The following CCDC3 variants were observed in gnomAD, a reference collection of about 807,000 sequenced individuals.
CCDC3 encodes coiled-coil domain-containing protein 3.
CCDC3 carries 24 observed loss-of-function variants against 21.4 expected under a neutral mutation model. That is an observed-to-expected ratio of 1.12 (90% CI 0.81 to 1.58). The LOEUF (loss-of-function observed/expected upper bound fraction) is 1.58, where lower values mean the gene tolerates loss of function less well. Ranked by LOEUF, CCDC3 falls within the 40% of genes most tolerant of loss-of-function variation. The probability of loss-of-function intolerance (pLI) is 0.00; values close to 1 mark genes in which losing one functional copy is unlikely to be tolerated. For missense variants in CCDC3, 425 were observed against 360.9 expected (o/e 1.18, Z -1.44); for synonymous variants, 186 against 166.0 (o/e 1.12, Z -0.93).
intron 2 of CCDC3, among the ~76,000 whole-genome samples, chr10:12,970,918 A>T (rs1835332847): frequency 6.6e-6 from 1 of 152,110 alleles, no homozygotes; most frequent in Middle Eastern, 3.2e-3. Flanking sequence ...CAGTCTGCAA[A>T]CCAATAACTA....
At chr10:13,078,403 C>G (rs985832613) in intron 3 of CCDC3, among the ~76,000 whole-genome samples, 3 of 152,198 alleles carry the variant, frequency 2.0e-5, no homozygotes, top group Non-Finnish European at 4.4e-5. Context: ...CACTTTTATA[C>G]TGTTGGTGGG....
At chr10:13,016,735 C>T (rs539333821) in intron 5 of CCDC3, among the ~76,000 whole-genome samples, 1 of 151,998 alleles carries the variant, frequency 6.6e-6, no homozygotes, top group African/African-American at 2.4e-5. Context: ...TATGTTGAAA[C>T]TCTGTTGGAA....
At chr10:13,001,074 AG>A in intron 1 of CCDC3, 122 bp downstream of exon 1, 1 of 1,270,520 alleles carries the variant, frequency 7.9e-7, no homozygotes. Flanking sequence ...TAGGCGCCCC[AG>A]GGGCATTCTC....
At chr10:13,096,773 G>C (rs540896930) in intron 3 of CCDC3, among the ~76,000 whole-genome samples, 44 of 152,314 alleles carry the variant, frequency 2.9e-4, no homozygotes, top group Non-Finnish European at 6.0e-4. Flanking sequence ...CTTGCTGTCT[G>C]TCTGGGTGCT....
chr10:12,990,843 T>C (rs972251539), intron 2 of CCDC3, among the ~76,000 whole-genome samples: 1 of 152,212 alleles, frequency 6.6e-6, no homozygotes, highest in Non-Finnish European at 1.5e-5. Context: ...AAGTACAAGA[T>C]AGGCCAATGT....
intron 2 of CCDC3, among the ~76,000 whole-genome samples, chr10:12,930,041 G>A (rs1834615551): frequency 6.6e-6 from 1 of 152,158 alleles, no homozygotes; most frequent in African/African-American, 2.4e-5. Flanking sequence ...TGCAGTTCAG[G>A]CATCTATATA....
chr10:12,946,141 C>T (rs191710959), intron 2 of CCDC3, among the ~76,000 whole-genome samples: 1 of 152,308 alleles, frequency 6.6e-6, no homozygotes, highest in East Asian at 1.9e-4. Context: ...CCATTTATAG[C>T]AGCAAAACCA....
chr10:13,077,245 A>G (rs1836976298), intron 3 of CCDC3, among the ~76,000 whole-genome samples: 1 of 152,166 alleles, frequency 6.6e-6, no homozygotes, highest in East Asian at 1.9e-4. Flanking sequence ...ATCATGAGTC[A>G]ACTCCCATTC....
intron 4 of CCDC3, among the ~76,000 whole-genome samples, chr10:13,073,326 C>T (rs1231255496): frequency 2.0e-5 from 3 of 152,018 alleles, no homozygotes. Context: ...GGTCTTCCTT[C>T]TTGGAATGTC....
At chr10:13,083,780 G>T (rs1479804193) in intron 3 of CCDC3, among the ~76,000 whole-genome samples, 1 of 152,234 alleles carries the variant, frequency 6.6e-6, no homozygotes, top group Non-Finnish European at 1.5e-5. Flanking sequence ...AGATTGTGAG[G>T]TCTGGCTCCA....
At chr10:12,976,545 G>C (rs1207804508) in intron 2 of CCDC3, among the ~76,000 whole-genome samples, 1 of 152,186 alleles carries the variant, frequency 6.6e-6, no homozygotes, top group African/African-American at 2.4e-5. Flanking sequence ...ACAAGGGAAG[G>C]TATCTTAGAG....
intron 2 of CCDC3, among the ~76,000 whole-genome samples, chr10:12,988,765 G>A (rs1272238055): frequency 2.0e-5 from 3 of 152,114 alleles, no homozygotes; most frequent in African/African-American, 4.8e-5. Context: ...GTTCAAGGAG[G>A]GCCTGGAGCT....
chr10:13,081,573 A>G (rs565912079), intron 3 of CCDC3, among the ~76,000 whole-genome samples: 1 of 152,298 alleles, frequency 6.6e-6, no homozygotes, highest in South Asian at 2.1e-4. Context: ...AACTTAATCT[A>G]TCTTCTCTTT....
At chr10:12,955,814 C>T (rs1226049464) in intron 2 of CCDC3, among the ~76,000 whole-genome samples, 1 of 152,126 alleles carries the variant, frequency 6.6e-6, no homozygotes, top group Admixed American at 6.6e-5. Context: ...GCGATCTCAG[C>T]TCACTGCAAC....
intron 2 of CCDC3, among the ~76,000 whole-genome samples, chr10:12,996,619 T>C (rs746832674): frequency 1.3e-5 from 2 of 152,038 alleles, no homozygotes; most frequent in African/African-American, 2.4e-5. Context: ...TACAGACATA[T>C]GTCAAAGAAG....
At chr10:12,920,861 T>G (rs77518863) in intron 2 of CCDC3, among the ~76,000 whole-genome samples, 100 of 152,312 alleles carry the variant, frequency 6.6e-4, no homozygotes, top group Non-Finnish European at 1.3e-3. Context: ...AGCGCTCCCA[T>G]GCTCATAACC....
At chr10:12,911,971 G>A (rs1834277374) in intron 2 of CCDC3, among the ~76,000 whole-genome samples, 1 of 152,098 alleles carries the variant, frequency 6.6e-6, no homozygotes, top group African/African-American at 2.4e-5. Context: ...ACAAATGATG[G>A]TATATCCTTT....
intron 2 of CCDC3, among the ~76,000 whole-genome samples, chr10:12,922,616 C>T (rs1034702346): frequency 4.1e-4 from 63 of 152,258 alleles, no homozygotes; most frequent in African/African-American, 1.4e-3. Context: ...TTCCTCACTT[C>T]CTTCCTTCCC....
chr10:13,005,638 T>G (rs1835916654), upstream of CCDC3, among the ~76,000 whole-genome samples: 1 of 152,208 alleles, frequency 6.6e-6, no homozygotes, highest in Non-Finnish European at 1.5e-5. Flanking sequence ...CAGAGTTTTG[T>G]GCTGTGATTT....
Sources: allele counts gnomAD v4.1 joint callset (sites outside exome capture counted in the v4.1 genomes callset), GRCh38; gene constraint gnomAD v4.1.1; transcripts MANE v1.5; gene names NCBI Gene and HGNC (gene_info 2026-07-23, HGNC 2026-07-21).